Variants in GXYLT1 observed in about 807,000 individuals in gnomAD.
GXYLT1 encodes the protein glucoside xylosyltransferase 1.
A neutral mutation model predicts 54.0 loss-of-function variants in GXYLT1; 29 were observed. The observed-to-expected ratio is 0.54, with a 90% CI of 0.40 to 0.73. The LOEUF (loss-of-function observed/expected upper bound fraction) is 0.73. Ranked by LOEUF, GXYLT1 falls within the 30% of genes least tolerant of loss-of-function variation. The pLI is 0.00. For synonymous variants in GXYLT1, 176 were observed against 204.1 expected (o/e 0.86, Z 1.17); for missense variants, 490 against 553.4 (o/e 0.89, Z 1.15).
chr12:42,090,583 G>A (rs1338954055), intron 7 of GXYLT1, among the ~76,000 whole-genome samples: 1 of 152,146 alleles, frequency 6.6e-6, no homozygotes, highest in Non-Finnish European at 1.5e-5. Flanking sequence ...TCAGTTGAAC[G>A]ACATGAAATA....
intron 3 of GXYLT1, among the ~76,000 whole-genome samples, chr12:42,110,957 A>G (rs1430655533): frequency 1.3e-5 from 2 of 152,266 alleles, no homozygotes; most frequent in African/African-American, 4.8e-5. Context: ...TCAAAAATAT[A>G]GTATATGTTA....
intron 2 of GXYLT1, among the ~76,000 whole-genome samples, chr12:42,119,617 A>G (rs1040964310): frequency 3.3e-5 from 5 of 151,990 alleles, no homozygotes; most frequent in Non-Finnish European, 5.9e-5. Context: ...AGACCAGCCT[A>G]GGCAACATAC....
chr12:42,105,751 GTTT>G, intron 5 of GXYLT1, 64 bp downstream of exon 5: 1 of 1,281,458 alleles, frequency 7.8e-7, no homozygotes, highest in South Asian at 1.4e-5. Context: ...ATAAAATTTA[GTTT>G]TATTAAAAAC....
At chr12:42,102,502 T>C (rs531062974) in intron 5 of GXYLT1, among the ~76,000 whole-genome samples, 9 of 152,332 alleles carry the variant, frequency 5.9e-5, no homozygotes, top group African/African-American at 2.2e-4. Context: ...ATCTATCAAG[T>C]TGCTACTTTA....
intron 7 of GXYLT1, among the ~76,000 whole-genome samples, chr12:42,093,898 A>C (rs937514728): frequency 1.3e-5 from 2 of 152,200 alleles, no homozygotes; most frequent in African/African-American, 4.8e-5. Flanking sequence ...GAAAAGAGTC[A>C]AATAGTATCT....
At chr12:42,137,762 GAA>G (rs56387868) in intron 1 of GXYLT1, among the ~76,000 whole-genome samples, 3 of 107,174 alleles carry the variant, frequency 2.8e-5, no homozygotes, top group Admixed American at 1.1e-4. Context: ...ATCTCAAATT[GAA>G]AAAAAAAAAA....
intron 2 of GXYLT1, among the ~76,000 whole-genome samples, chr12:42,122,479 A>G (rs1239901640): frequency 6.6e-6 from 1 of 152,206 alleles, no homozygotes; most frequent in African/African-American, 2.4e-5. Context: ...AGTCCCAGCT[A>G]TTCGAGAGGC....
chr12:42,128,552 C>T (rs1174640796), intron 2 of GXYLT1, among the ~76,000 whole-genome samples: 2 of 152,174 alleles, frequency 1.3e-5, no homozygotes. Context: ...CAACTTGTCA[C>T]ACTCTATTGT....
intron 1 of GXYLT1, 122 bp downstream of exon 1, chr12:42,144,304 G>A (rs957595897): frequency 1.4e-5 from 8 of 563,758 alleles, no homozygotes; most frequent in East Asian, 5.1e-5. Flanking sequence ...TGAGTGAGGG[G>A]TCAGAGACAG....
chr12:42,109,456 T>C lies in GXYLT1; in HGVS notation c.612+110A>G, dbSNP rs529212141. ...ACATGCATTGATTTCTATTTACTAA[T>C]TTAATTATTTAACTGGAATTATATG... On this transcript the variant is annotated intron_variant, in intron 4 of 7. Coordinates refer to ENST00000398675, the MANE Select transcript of GXYLT1 (RefSeq NM_173601.2). The C allele has an allele frequency of 2.5e-5, 17 of 691,770 alleles. No individual in the cohort carries two copies. The African/African-American group carries it at 3.0e-4, about 12-fold the overall frequency. 42.9% of individuals were successfully genotyped at this position (691,770 alleles called of 1,614,324 possible).
chr12:42,097,362 T>C (rs1223251591), intron 7 of GXYLT1, 80 bp downstream of exon 7: 1 of 1,099,622 alleles, frequency 9.1e-7, no homozygotes, highest in East Asian at 2.7e-5. Context: ...AAAAATTCTT[T>C]GTACTATTTT....
At chr12:42,130,234 A>G (rs1175146655) in intron 1 of GXYLT1, among the ~76,000 whole-genome samples, 1 of 152,218 alleles carries the variant, frequency 6.6e-6, no homozygotes, top group African/African-American at 2.4e-5. Context: ...ATCCTCAAAC[A>G]TAATAAAAAT....
At chr12:42,089,265 T>A (rs1297632226) in intron 7 of GXYLT1, among the ~76,000 whole-genome samples, 1 of 143,408 alleles carries the variant, frequency 7.0e-6, no homozygotes, top group Non-Finnish European at 1.5e-5. Flanking sequence ...CATGTTCTCA[T>A]TCATAGGTGA....
rs575981910 is a variant in GXYLT1, at chr12:42,143,065, G to A, written c.221+1361C>T. Among the ~76,000 whole-genome samples the A allele has an allele frequency of 2.0e-5, 3 of 152,108 alleles. No individual in the cohort carries two copies. In the South Asian group the frequency reaches 6.2e-4, roughly 32 times the overall value. On this transcript the variant is annotated intron_variant, in intron 1 of 7. Transcript: ENST00000398675. ...TCAAATAATTTTATTAAAATTAGCT[G>A]GTCAAGCAAACAAAATTTGTAAATT...
chr12:42,124,481 A>G (rs1361032668), intron 2 of GXYLT1, among the ~76,000 whole-genome samples: 1 of 152,178 alleles, frequency 6.6e-6, no homozygotes, highest in East Asian at 1.9e-4. Context: ...ATAGATAACT[A>G]TCAATATCAA....
chr12:42,106,855 C>T lies in GXYLT1; in HGVS notation c.613-786G>A, dbSNP rs556719034. On this transcript the variant is annotated intron_variant, in intron 4 of 7. Transcript: ENST00000398675. ...CTACCTCCTGGGTTCTAGGCATTCT[C>T]CTGCCTCAGCCTCCTGAGTAACTGG... 4.6e-3 allele frequency among the ~76,000 whole-genome samples: 690 copies of T among 150,164 alleles called. 3 individuals carry two copies. Among genetic ancestry groups the T allele is most frequent in the Non-Finnish European group, 4.6e-3 (310 of 67,738 alleles).
In GXYLT1 at chr12:42,087,952, A is replaced by G. The variant is rs887225421; in HGVS notation, c.1162-5T>C. The G allele has an allele frequency of 6.8e-7, 1 of 1,464,466 alleles. No individual in the cohort carries two copies. The highest frequency in any genetic ancestry group is 9.2e-7 in the Non-Finnish European group (1 of 1,087,988). The allele number at this position is 1,464,466 out of a possible 1,614,324, so 90.7% of individuals were successfully genotyped here. A position where few individuals can be genotyped will look rare whatever the true frequency, so the allele number is the denominator to read the frequency against. On this transcript the variant is annotated splice_polypyrimidine_tract_variant and splice_region_variant and intron_variant, in intron 7 of 7. Transcript: ENST00000398675. ...GTTGTCATCTTCAAAAGAACACTAG[A>G]GAAAGAAAATTTTAAAAAATAAAAA...
intron 5 of GXYLT1, among the ~76,000 whole-genome samples, chr12:42,098,760 C>CATATATATATATATCT (rs71434384): frequency 2.1e-5 from 2 of 96,918 alleles, no homozygotes; most frequent in Admixed American, 2.3e-4. Context: ...AAATTTAAAA[C>CATATATATATATATCT]ATATATATAT....
chr12:42,128,026 T>C (rs1438209249), intron 2 of GXYLT1, among the ~76,000 whole-genome samples: 1 of 152,160 alleles, frequency 6.6e-6, no homozygotes, highest in Non-Finnish European at 1.5e-5. Flanking sequence ...TACAAATATG[T>C]ACAATTAATA....
Sources: gnomAD v4.1 joint callset for allele counts (sites outside exome capture counted in the v4.1 genomes callset) on GRCh38, gnomAD v4.1.1 for gene constraint, MANE v1.5 for transcripts, NCBI Gene and HGNC (gene_info 2026-07-23, HGNC 2026-07-21) for gene names.